The following DENND4A variants were observed in gnomAD, a reference collection of about 807,000 sequenced individuals.
The protein encoded by DENND4A is C-myc promoter-binding protein.
A neutral mutation model predicts 199.3 loss-of-function variants in DENND4A; 70 were observed. That is an observed-to-expected ratio of 0.35 (90% CI 0.29 to 0.43). The LOEUF (loss-of-function observed/expected upper bound fraction) is 0.43. Ranked by LOEUF, DENND4A falls within the 20% of genes least tolerant of loss-of-function variation. The pLI is 1.00. For synonymous variants in DENND4A, 686 were observed against 766.9 expected (o/e 0.89, Z 1.74); for missense variants, 1,723 against 2,255.8 (o/e 0.76, Z 4.78).
intron 1 of DENND4A, chr15:65,771,488 T>C: frequency 6.2e-7 from 1 of 1,610,350 alleles, no homozygotes; most frequent in Non-Finnish European, 8.5e-7. Flanking sequence ...ATAGAAGGAA[T>C]AAGGAGGATT....
intron 15 of DENND4A, among the ~76,000 whole-genome samples, chr15:65,705,015 A>G (rs1389976963): frequency 6.6e-6 from 1 of 152,262 alleles, no homozygotes; most frequent in African/African-American, 2.4e-5. Context: ...CATAAAGTAC[A>G]AAAGAGATTA....
intron 9 of DENND4A, among the ~76,000 whole-genome samples, chr15:65,729,888 C>A (rs2075909652): frequency 6.6e-6 from 1 of 152,132 alleles, no homozygotes; most frequent in Admixed American, 6.5e-5. Flanking sequence ...GAAAACAATG[C>A]AGTTTTAGGA....
chr15:65,663,690 C>T (rs1216174510), intron 32 of DENND4A, among the ~76,000 whole-genome samples: 1 of 152,138 alleles, frequency 6.6e-6, no homozygotes, highest in Non-Finnish European at 1.5e-5. Flanking sequence ...TGCTCTACAG[C>T]CCAAGCTGGC....
chr15:65,664,622 G>T lies in DENND4A; in HGVS notation c.5460C>A (p.Val1820=), dbSNP rs1489608136. 6.2e-7 allele frequency: 1 copy of T among 1,612,856 alleles called. No homozygotes were observed. The highest frequency in any genetic ancestry group is 1.1e-5 in the South Asian group (1 of 91,040). ...SMVKSIKMND[V]YGPMSQILET... ...CTAAAATCTGACTCATTGGTCCATA[G>T]ACATCATTCATTTTAATGCTTTTTA... The change falls in exon 31 of 33, where the codon GTC becomes GTA. Residue 1820 remains valine (V), a synonymous_variant. Transcript: ENST00000443035.
Position 65,691,306 on chromosome 15 carries a change from G to T in DENND4A, c.3288C>A (p.Thr1096=). 2 of 1,613,258 alleles carry T rather than the reference G, an allele frequency of 1.2e-6. No individual in the cohort carries two copies. Among genetic ancestry groups the T allele is most frequent in the Non-Finnish European group, 1.7e-6 (2 of 1,179,654 alleles). ...CCAATTTTTCAACTATATCTCCAGG[G>T]GTTGCTTCCTGGTTAATTCTATTGA... ...FMLNRINQEA[T]PGDIVEKLGA... The change falls in exon 23 of 33, where the codon ACC becomes ACA. Residue 1096 remains threonine (T), a synonymous_variant. Coordinates refer to ENST00000443035, the MANE Select transcript of DENND4A (RefSeq NM_001320835.1).
chr15:65,769,959 T>C (rs2077089166), intron 1 of DENND4A, among the ~76,000 whole-genome samples: 1 of 152,102 alleles, frequency 6.6e-6, no homozygotes, highest in Non-Finnish European at 1.5e-5. Flanking sequence ...TTTTTTTTTC[T>C]AATTCATAAT....
chr15:65,775,368 C>T (rs866288372), intron 1 of DENND4A, among the ~76,000 whole-genome samples: 4 of 144,434 alleles, frequency 2.8e-5, no homozygotes, highest in South Asian at 2.3e-4. Flanking sequence ...AAAGAAGTCA[C>T]GGTGGCTCAC....
In DENND4A at chr15:65,661,080, C is replaced by T. The variant is rs1211696416; in HGVS notation, c.*771G>A. 1 of 151,978 alleles carries T rather than the reference C, an allele frequency of 6.6e-6. No individual in the cohort carries two copies. Among genetic ancestry groups the T allele is most frequent in the Non-Finnish European group, 1.5e-5 (1 of 68,026 alleles). 9.4% of individuals were successfully genotyped at this position (151,978 alleles called of 1,614,324 possible). A position where few individuals can be genotyped will look rare whatever the true frequency, so the allele number is the denominator to read the frequency against. ...ATTTTGGAGTCATGGTATAGTGAAC[C>T]TCTCTGGCTCTCCTTGCACAAGGCT... On this transcript the variant is annotated 3_prime_UTR_variant, in exon 33 of 33. Coordinates refer to ENST00000443035, the MANE Select transcript of DENND4A (RefSeq NM_001320835.1).
chr15:65,740,174 T>C (rs1213249192), intron 5 of DENND4A, among the ~76,000 whole-genome samples: 1 of 151,480 alleles, frequency 6.6e-6, no homozygotes, highest in African/African-American at 2.4e-5. Context: ...TTGCACCCAT[T>C]GGTAAACAAA....
chr15:65,689,253 A>C (rs1170485003), intron 23 of DENND4A, among the ~76,000 whole-genome samples: 1 of 152,142 alleles, frequency 6.6e-6, no homozygotes, highest in Non-Finnish European at 1.5e-5. Flanking sequence ...ATATTCTTGA[A>C]CATATTATAA....
intron 30 of DENND4A, chr15:65,665,054 G>A (rs2075989704): frequency 4.4e-6 from 2 of 456,812 alleles, no homozygotes; most frequent in Non-Finnish European, 7.6e-6. Context: ...GCAATGTGCT[G>A]AAAGCTGAAT....
intron 12 of DENND4A, among the ~76,000 whole-genome samples, chr15:65,719,729 ATT>A (rs34782750): frequency 4.3e-4 from 63 of 147,658 alleles, no homozygotes; most frequent in East Asian, 1.8e-3. Flanking sequence ...TCTCTACAGA[ATT>A]TTTTTTTTTT....
Position 65,662,028 on chromosome 15 carries a change from A to C in DENND4A, c.5588-41T>G, listed in dbSNP as rs762100364. The C allele has an allele frequency of 2.4e-5, 37 of 1,543,068 alleles. 1 individual carries two copies. In the South Asian group the frequency reaches 4.4e-4, roughly 18 times the overall value. The stretch of plus-strand genomic sequence containing the variant: ...AAGAAATAAAAGAATAAAGAAATTT[A>C]GGTCTGATGTTGAAAACTATCAAGT... On this transcript the variant is annotated intron_variant, in intron 32 of 32. Coordinates refer to ENST00000443035, the MANE Select transcript of DENND4A (RefSeq NM_001320835.1).
At chr15:65,708,312 GTTTA>G (rs1176342677) in intron 14 of DENND4A, among the ~76,000 whole-genome samples, 2 of 151,996 alleles carry the variant, frequency 1.3e-5, no homozygotes, top group Non-Finnish European at 2.9e-5. Flanking sequence ...CTCAGCAAAT[GTTTA>G]TTTATTTAAT....
intron 8 of DENND4A, 81 bp downstream of exon 8, chr15:65,732,671 A>T: frequency 1.2e-6 from 1 of 840,152 alleles, no homozygotes; most frequent in South Asian, 1.6e-5. Flanking sequence ...TTCCTCATTC[A>T]GAATTGTTAT....
At chr15:65,791,226 A>C (rs1288374390) in intron 1 of DENND4A, among the ~76,000 whole-genome samples, 2 of 152,098 alleles carry the variant, frequency 1.3e-5, no homozygotes, top group African/African-American at 2.4e-5. Flanking sequence ...TAAGACAAAA[A>C]CCTCTCTCTA....
chr15:65,771,143 C>G, intron 1 of DENND4A: 1 of 1,548,760 alleles, frequency 6.5e-7, no homozygotes, highest in Non-Finnish European at 8.7e-7. Flanking sequence ...ATAAAGAGTA[C>G]GCTAAAAGGT....
Position 65,669,956 on chromosome 15 carries a change from A to G in DENND4A, c.4641-31T>C, listed in dbSNP as rs1407249311. 7 of 1,610,784 alleles carry G rather than the reference A, an allele frequency of 4.3e-6. No homozygotes were observed. The African/African-American group carries it at 9.4e-5, about 22-fold the overall frequency. ...ATGTGAATCGAAGGAACTTTTTGAG[A>G]AAAGAGATATTATAGGGAACATGAT... On this transcript the variant is annotated intron_variant, in intron 26 of 32. Transcript: ENST00000443035.
At chr15:65,756,760 G>T (rs1232270917) in intron 2 of DENND4A, among the ~76,000 whole-genome samples, 1 of 152,190 alleles carries the variant, frequency 6.6e-6, no homozygotes, top group African/African-American at 2.4e-5. Context: ...GTCTGGCCAG[G>T]TGCAGTGGCT....
Sources: allele counts gnomAD v4.1 joint callset (sites outside exome capture counted in the v4.1 genomes callset), GRCh38; gene constraint gnomAD v4.1.1; transcripts MANE v1.5; gene names NCBI Gene and HGNC (gene_info 2026-07-23, HGNC 2026-07-21).